The following LDLRAD4 variants were observed in gnomAD, a reference collection of about 807,000 sequenced individuals.
LDLRAD4 encodes the protein low-density lipoprotein receptor class A domain-containing protein 4.
A neutral mutation model predicts 17.0 loss-of-function variants in LDLRAD4; 5 were observed. That is an observed-to-expected ratio of 0.29 (90% CI 0.15 to 0.62). LDLRAD4 has a LOEUF of 0.62. LDLRAD4 is among the 20% of genes least tolerant of loss of function. The pLI, the probability that LDLRAD4 is intolerant of heterozygous loss-of-function variation, is 0.84. For synonymous variants in LDLRAD4, 168 were observed against 171.8 expected, an observed-to-expected ratio of 0.98 and a Z score of 0.17; for missense variants, 340 against 424.7, an observed-to-expected ratio of 0.80 and a Z score of 1.75.
chr18:13,401,510 AG>A (rs532984870), intron 2 of LDLRAD4, among the ~76,000 whole-genome samples: 16 of 152,134 alleles, frequency 1.1e-4, no homozygotes, highest in African/African-American at 3.9e-4. Flanking sequence ...TGTGAGCGTG[AG>A]AGGAGCAGGT....
chr18:13,346,427 C>A (rs987659735), intron 1 of LDLRAD4, among the ~76,000 whole-genome samples: 1 of 152,154 alleles, frequency 6.6e-6, no homozygotes, highest in Non-Finnish European at 1.5e-5. Context: ...TTTGATTGCA[C>A]TGTGGTCTGA....
chr18:13,628,913 C>T (rs909206896), intron 4 of LDLRAD4, among the ~76,000 whole-genome samples: 1 of 152,194 alleles, frequency 6.6e-6, no homozygotes, highest in Non-Finnish European at 1.5e-5. Flanking sequence ...TCACTGCAGC[C>T]TCGAACATTT....
At chr18:13,272,590 C>T (rs1277235125) in intron 1 of LDLRAD4, among the ~76,000 whole-genome samples, 1 of 152,380 alleles carries the variant, frequency 6.6e-6, no homozygotes, top group Admixed American at 6.5e-5. Context: ...CCCCATGCCG[C>T]GTGCTCCGTA....
At chr18:13,530,252 T>A (rs1250877814) in intron 3 of LDLRAD4, among the ~76,000 whole-genome samples, 2 of 152,210 alleles carry the variant, frequency 1.3e-5, no homozygotes. Context: ...CTGCAGACTT[T>A]TAAAAGTAAG....
At chr18:13,610,299 TTTTTTTGA>T (rs2039406587) in intron 3 of LDLRAD4, among the ~76,000 whole-genome samples, 1 of 60,920 alleles carries the variant, frequency 1.6e-5, no homozygotes, top group African/African-American at 7.4e-5. Context: ...TTTTTTTTTT[TTTTTTTGA>T]GACGGAGTCT....
chr18:13,303,705 C>G (rs2046742108), intron 1 of LDLRAD4, among the ~76,000 whole-genome samples: 1 of 152,184 alleles, frequency 6.6e-6, no homozygotes, highest in African/African-American at 2.4e-5. Context: ...GAATCCCCCT[C>G]CTCCTCACTC....
At chr18:13,265,762 T>C (rs2044180485) in intron 1 of LDLRAD4, among the ~76,000 whole-genome samples, 1 of 152,054 alleles carries the variant, frequency 6.6e-6, no homozygotes, top group Non-Finnish European at 1.5e-5. Context: ...GGTGCTGAGA[T>C]CTTCTTCAAG....
At chr18:13,567,334 A>C (rs187213175) in intron 3 of LDLRAD4, among the ~76,000 whole-genome samples, 97 of 152,310 alleles carry the variant, frequency 6.4e-4, no homozygotes, top group African/African-American at 2.1e-3. Context: ...GAGTAGCTGG[A>C]CTGAAGGCAG....
chr18:13,226,817 T>C (rs186130363), intron 1 of LDLRAD4, among the ~76,000 whole-genome samples: 1 of 152,324 alleles, frequency 6.6e-6, no homozygotes, highest in Admixed American at 6.5e-5. Context: ...ACATGTCTTT[T>C]AAACAAATTA....
chr18:13,519,904 A>G (rs1170803182), intron 3 of LDLRAD4: 4 of 152,214 alleles, frequency 2.6e-5, no homozygotes, highest in Non-Finnish European at 5.9e-5. Context: ...ATATTTTATA[A>G]CTAAGTCCTG....
At chr18:13,297,330 C>T (rs2046331424) in intron 1 of LDLRAD4, among the ~76,000 whole-genome samples, 1 of 152,118 alleles carries the variant, frequency 6.6e-6, no homozygotes, top group African/African-American at 2.4e-5. Context: ...AGTCACATGG[C>T]CCTTTCTCTG....
chr18:13,477,677 G>C (rs1288432509), intron 3 of LDLRAD4, among the ~76,000 whole-genome samples: 2 of 152,200 alleles, frequency 1.3e-5, no homozygotes, highest in South Asian at 2.1e-4. Context: ...ACAGTTTGGA[G>C]AGCAAAGAAG....
At chr18:13,247,059 A>G (rs1420917212) in intron 1 of LDLRAD4, among the ~76,000 whole-genome samples, 1 of 152,044 alleles carries the variant, frequency 6.6e-6, no homozygotes, top group Non-Finnish European at 1.5e-5. Context: ...ACCTGTCATG[A>G]TTAGAAACAT....
At chr18:13,326,402 A>G (rs968914400) in intron 1 of LDLRAD4, among the ~76,000 whole-genome samples, 3 of 152,224 alleles carry the variant, frequency 2.0e-5, no homozygotes, top group African/African-American at 7.2e-5. Flanking sequence ...TAAAGGAAGA[A>G]TCAATTATGC....
chr18:13,533,794 A>G (rs2236662), intron 3 of LDLRAD4, among the ~76,000 whole-genome samples: 5,656 of 152,264 alleles, frequency 0.037, 142 homozygotes, highest in East Asian at 0.15. Context: ...TGCTCTGGGA[A>G]TTAAAGGGAC....
At chr18:13,648,903 A>G (rs1466156281) in exon 6 of LDLRAD4, 1 of 152,202 alleles carries the variant, frequency 6.6e-6, no homozygotes, top group African/African-American at 2.4e-5. Context: ...CTCTTTAAAT[A>G]CTGACGCAAT....
intron 3 of LDLRAD4, among the ~76,000 whole-genome samples, chr18:13,528,946 C>T (rs1401565391): frequency 6.6e-6 from 1 of 152,214 alleles, no homozygotes; most frequent in Non-Finnish European, 1.5e-5. Context: ...CTGTGGCCCA[C>T]GCTTTGGGTA....
At chr18:13,446,899 C>CG (rs1261676187) in intron 3 of LDLRAD4, among the ~76,000 whole-genome samples, 1 of 146,334 alleles carries the variant, frequency 6.8e-6, no homozygotes, top group Non-Finnish European at 1.5e-5. Context: ...GGGCCTGCCT[C>CG]GGGGGCCTTC....
intron 1 of LDLRAD4, among the ~76,000 whole-genome samples, chr18:13,319,760 A>C (rs2081120996): frequency 6.6e-6 from 1 of 152,224 alleles, no homozygotes; most frequent in South Asian, 2.1e-4. Context: ...TATGGCAAAA[A>C]CCATGAAAAG....
Sources: allele counts gnomAD v4.1 joint callset (sites outside exome capture counted in the v4.1 genomes callset), GRCh38; gene constraint gnomAD v4.1.1; transcripts MANE v1.5; gene names NCBI Gene and HGNC (gene_info 2026-07-23, HGNC 2026-07-21).